Variants in NUP210 observed in about 807,000 individuals in gnomAD.
The protein encoded by NUP210 is nuclear pore membrane glycoprotein 210.
In NUP210, 151 loss-of-function variants were observed where a neutral mutation model predicts 196.0. The ratio of observed to expected loss-of-function variants is 0.77; its 90% CI spans 0.67 to 0.88. NUP210 has a LOEUF of 0.88. Among genes scored for constraint, NUP210 ranks in the 40% least tolerant of loss-of-function variants. The pLI is 0.00. For missense variants in NUP210, 2,314 were observed against 2,493.7 expected (o/e 0.93, Z 1.53); for synonymous variants, 1,070 against 1,052.7 (o/e 1.02, Z -0.32).
intron 18 of NUP210, among the ~76,000 whole-genome samples, chr3:13,353,174 G>C (rs983286672): frequency 6.6e-6 from 1 of 152,106 alleles, no homozygotes; most frequent in Non-Finnish European, 1.5e-5. Flanking sequence ...CTCCCAAGAG[G>C]ACAATAGAAG....
intron 5 of NUP210, among the ~76,000 whole-genome samples, chr3:13,387,131 G>A (rs1699304657): frequency 1.3e-5 from 2 of 152,278 alleles, no homozygotes; most frequent in Non-Finnish European, 2.9e-5. Context: ...TCCTGTGGGT[G>A]TGGGCATTCT....
intron 20 of NUP210, chr3:13,345,186 G>A (rs1697674523): frequency 1.0e-6 from 1 of 985,360 alleles, no homozygotes; most frequent in South Asian, 4.7e-5. Flanking sequence ...AGCCTGCTCA[G>A]CTTTACAGAG....
chr3:13,353,621 G>A lies in NUP210; in HGVS notation c.2561C>T (p.Thr854Ile). 6.2e-7 allele frequency: 1 copy of A among 1,614,154 alleles called. No individual in the cohort carries two copies. The highest frequency in any genetic ancestry group is 1.3e-5 in the African/African-American group (1 of 75,032). ...AILVHEASGT[T>I]AITATATGYQ... ...GCCAGTGGCAGTGGCAGTGATGGCT[G>A]TGGTTCCTGATGCCTCGTGAACCAA... The change falls in exon 18 of 40, where the codon ACA becomes ATA. Residue 854 changes from threonine (T) to isoleucine (I), a missense_variant. Thr to Ile is a moderately conservative substitution (Grantham distance 89, BLOSUM62 -1). Transcript: ENST00000254508.
At chr3:13,337,383 G>T (rs1483642375) in intron 26 of NUP210, among the ~76,000 whole-genome samples, 1 of 152,218 alleles carries the variant, frequency 6.6e-6, no homozygotes, top group Non-Finnish European at 1.5e-5. Flanking sequence ...GCCACAGCAG[G>T]TGTTGTGCCA....
At chr3:13,380,605 A>C (rs1699068950) in intron 6 of NUP210, among the ~76,000 whole-genome samples, 1 of 152,066 alleles carries the variant, frequency 6.6e-6, no homozygotes, top group Admixed American at 6.5e-5. Flanking sequence ...CTAACCAGTC[A>C]CCCATTCACT....
At chr3:13,367,560 T>A (rs1388248824) in intron 13 of NUP210, among the ~76,000 whole-genome samples, 1 of 152,126 alleles carries the variant, frequency 6.6e-6, no homozygotes, top group Non-Finnish European at 1.5e-5. Flanking sequence ...ACCCCCAGAA[T>A]CTCCTGGAAA....
chr3:13,351,663 T>A (rs420782), intron 20 of NUP210: 1 of 474,434 alleles, frequency 2.1e-6, no homozygotes, highest in Admixed American at 4.1e-5. Context: ...ATTTTTGATT[T>A]TTCTTTTTTT....
intron 1 of NUP210, among the ~76,000 whole-genome samples, chr3:13,403,143 A>G (rs1255635080): frequency 2.0e-5 from 3 of 152,224 alleles, no homozygotes; most frequent in Non-Finnish European, 2.9e-5. Context: ...TGCTTCTGAC[A>G]TGTAGTACTG....
intron 12 of NUP210, among the ~76,000 whole-genome samples, chr3:13,372,686 T>A (rs1285223871): frequency 6.6e-6 from 1 of 152,134 alleles, no homozygotes; most frequent in Admixed American, 6.5e-5. Flanking sequence ...GAATCCCACC[T>A]CCTGGTTAAG....
At chr3:13,361,815 C>G (rs1405866146) in intron 14 of NUP210, among the ~76,000 whole-genome samples, 2 of 152,210 alleles carry the variant, frequency 1.3e-5, no homozygotes, top group East Asian at 3.9e-4. Context: ...GGGACTTGGG[C>G]TCTCTCAACC....
intron 25 of NUP210, 46 bp downstream of exon 25, chr3:13,339,808 T>C: frequency 6.5e-7 from 1 of 1,532,844 alleles, no homozygotes; most frequent in Non-Finnish European, 9.0e-7. Context: ...TAAAGAGGCT[T>C]CTGTCCCAGG....
Position 13,377,483 on chromosome 3 carries a change from C to G in NUP210, c.1125G>C (p.Lys375Asn). The G allele has an allele frequency of 6.2e-7, 1 of 1,613,708 alleles. No individual in the cohort carries two copies. The highest frequency in any genetic ancestry group is 8.5e-7 in the Non-Finnish European group (1 of 1,179,692). The change falls in exon 9 of 40, where the codon AAG becomes AAC. Residue 375 changes from lysine (K) to asparagine (N), a missense_variant. Transcript: ENST00000254508. ...LYEITIEVFD[K>N]FSNKVYVSDN... ...CAGATACATAGACCTTGTTGCTGAA[C>G]TTGTCAAAAACTTCGATGGTGATTT...
At chr3:13,416,760 T>C (rs1277598933) in intron 1 of NUP210, among the ~76,000 whole-genome samples, 1 of 152,218 alleles carries the variant, frequency 6.6e-6, no homozygotes, top group Admixed American at 6.5e-5. Context: ...AGAGCAGTGC[T>C]TGGGCTTCAG....
Position 13,351,936 on chromosome 3 carries a change from G to A in NUP210, c.2778C>T (p.Asn926=), listed in dbSNP as rs1247507100. Residue 926 remains asparagine (N), a synonymous_variant, in exon 20 of 40, where the codon AAC becomes AAT. Transcript: ENST00000254508. ...IREGSGYFFL[N]TSTADVVKVA... is the part of the protein sequence containing the mutation. ...CCTTGACAACATCTGCGGTGCTGGT[G>A]TTGAGGAAGAAGTAACCTGAGCCTT... 4 of 1,613,644 alleles carry A rather than the reference G, an allele frequency of 2.5e-6. No individual in the cohort carries two copies. The highest frequency in any genetic ancestry group is 3.4e-6 in the Non-Finnish European group (4 of 1,179,646).
chr3:13,395,421 G>A (rs1233975934), intron 3 of NUP210, among the ~76,000 whole-genome samples: 1 of 152,188 alleles, frequency 6.6e-6, no homozygotes, highest in African/African-American at 2.4e-5. Flanking sequence ...GGGCTCAAGC[G>A]ATTCTCTTGC....
At chr3:13,404,601 G>T (rs374399755) in intron 1 of NUP210, among the ~76,000 whole-genome samples, 4 of 152,282 alleles carry the variant, frequency 2.6e-5, no homozygotes, top group African/African-American at 9.6e-5. Context: ...AGGAAAACGG[G>T]ACTGGTTTAA....
intron 1 of NUP210, among the ~76,000 whole-genome samples, chr3:13,415,882 G>A (rs948074327): frequency 6.6e-6 from 1 of 152,134 alleles, no homozygotes; most frequent in Non-Finnish European, 1.5e-5. Flanking sequence ...CTTCACCCAC[G>A]AAGGCCTGTG....
intron 9 of NUP210, among the ~76,000 whole-genome samples, chr3:13,376,965 A>C (rs1255150260): frequency 6.6e-6 from 1 of 152,038 alleles, no homozygotes; most frequent in African/African-American, 2.4e-5. Context: ...ACTCCTGCAC[A>C]TTTCCTCATC....
At chr3:13,336,611 A>T (rs113830666) in intron 27 of NUP210, among the ~76,000 whole-genome samples, 176 bp downstream of exon 27, 25 of 152,022 alleles carry the variant, frequency 1.6e-4, no homozygotes, top group African/African-American at 6.0e-4. Context: ...TGTGTTTAGC[A>T]TTTGGGAGAA....
Sources: allele counts gnomAD v4.1 joint callset (sites outside exome capture counted in the v4.1 genomes callset), GRCh38; gene constraint gnomAD v4.1.1; transcripts MANE v1.5; gene names NCBI Gene and HGNC (gene_info 2026-07-23, HGNC 2026-07-21).